Variants in NEURL1 observed in about 807,000 individuals in gnomAD.
NEURL1 encodes E3 ubiquitin-protein ligase NEURL1.
A neutral mutation model predicts 41.2 loss-of-function variants in NEURL1; 26 were observed. The ratio of observed to expected loss-of-function variants is 0.63; its 90% confidence interval spans 0.46 to 0.87. NEURL1 has a LOEUF of 0.87. NEURL1 is among the 40% of genes least tolerant of loss of function. The probability of loss-of-function intolerance (pLI) is 0.00; values close to 1 mark genes in which losing one functional copy is unlikely to be tolerated. For synonymous variants in NEURL1, 400 were observed against 402.3 expected, an observed-to-expected ratio of 0.99 and a Z score of 0.07; for missense variants, 761 against 871.1, an observed-to-expected ratio of 0.87 and a Z score of 1.59.
At chr10:103,524,561 T>C (rs900505500) in intron 1 of NEURL1, among the ~76,000 whole-genome samples, 1 of 152,200 alleles carries the variant, frequency 6.6e-6, no homozygotes, top group African/African-American at 2.4e-5. Context: ...TTTCTTCTAG[T>C]AGTTTTATGG....
chr10:103,565,435 T>C (rs908410893), intron 1 of NEURL1, among the ~76,000 whole-genome samples: 2 of 152,120 alleles, frequency 1.3e-5, no homozygotes, highest in African/African-American at 4.8e-5. Context: ...TCTCCATACC[T>C]GGGGCAGGGA....
intron 1 of NEURL1, among the ~76,000 whole-genome samples, chr10:103,521,407 C>T (rs757237116): frequency 1.1e-4 from 17 of 152,050 alleles, no homozygotes; most frequent in Non-Finnish European, 1.8e-4. Flanking sequence ...TTTCCTGACT[C>T]GAGACATGTG....
intron 1 of NEURL1, among the ~76,000 whole-genome samples, chr10:103,549,839 A>T (rs537458515): frequency 6.6e-6 from 1 of 152,304 alleles, no homozygotes; most frequent in South Asian, 2.1e-4. Context: ...CATATTAGGC[A>T]TAGCAGCAGA....
chr10:103,580,405 G>T (rs1459554597), intron 3 of NEURL1, among the ~76,000 whole-genome samples: 1 of 152,190 alleles, frequency 6.6e-6, no homozygotes, highest in Non-Finnish European at 1.5e-5. Context: ...CACTGCTTGG[G>T]GTGAGAGGTT....
rs754801374 is a variant in NEURL1, at chr10:103,590,240, G to T, written c.1593G>T (p.Thr531=). 12 of 1,613,726 alleles carry T rather than the reference G, an allele frequency of 7.4e-6. No individual in the cohort carries two copies. The part of the protein sequence containing the change: ...CTICYEHAVD[T]VIYTCGHMCL... ...TTTGCTATGAACACGCGGTGGACAC[G>T]GTCATCTACACATGTGGCCACATGT... is the stretch of plus-strand genomic sequence containing the variant. The change falls in exon 6 of 6, where the codon ACG becomes ACT. Residue 531 remains threonine, a synonymous_variant. Transcript: ENST00000369780.
intron 1 of NEURL1, among the ~76,000 whole-genome samples, chr10:103,537,530 A>T (rs1056115662): frequency 6.6e-6 from 1 of 152,002 alleles, no homozygotes; most frequent in Non-Finnish European, 1.5e-5. Flanking sequence ...AGTAGCTGGG[A>T]CCACAGGTGC....
intron 1 of NEURL1, among the ~76,000 whole-genome samples, chr10:103,547,927 TCTC>T (rs1036634622): frequency 5.3e-5 from 8 of 152,024 alleles, no homozygotes; most frequent in African/African-American, 1.9e-4. Flanking sequence ...ACACCCTGGG[TCTC>T]CTCATTTCTC....
intron 1 of NEURL1, among the ~76,000 whole-genome samples, chr10:103,506,632 T>C (rs1169700591): frequency 2.0e-5 from 3 of 151,812 alleles, no homozygotes; most frequent in Admixed American, 6.6e-5. Flanking sequence ...CAGTCTTGGC[T>C]CACTGCAGCC....
chr10:103,499,175 C>T (rs984171279), intron 1 of NEURL1, among the ~76,000 whole-genome samples: 3 of 152,142 alleles, frequency 2.0e-5, no homozygotes, highest in Non-Finnish European at 2.9e-5. Flanking sequence ...GTGACGCCAG[C>T]GAGACACCTG....
At chr10:103,551,041 C>T (rs1191287954) in intron 1 of NEURL1, 1 of 152,140 alleles carries the variant, frequency 6.6e-6, no homozygotes, top group Non-Finnish European at 1.5e-5. Context: ...TAGAATGGAA[C>T]ACAGATCATT....
Position 103,584,924 on chromosome 10 carries a change from T to C in NEURL1, c.1038T>C (p.Gly346=). ...ETIFVKVTRS[G]GARPGALSFG... is the part of the protein sequence containing the mutation. The stretch of plus-strand genomic sequence containing the variant: ...TCTTCGTCAAGGTCACGCGCTCGGG[T>C]GGCGCGCGGCCCGGCGCGCTGTCGT... The change falls in exon 4 of 6, where the codon GGT becomes GGC. Residue 346 remains glycine, a synonymous_variant. Coordinates refer to ENST00000369780, the MANE Select transcript of NEURL1 (RefSeq NM_004210.5). 1 of 1,452,182 alleles carries C rather than the reference T, an allele frequency of 6.9e-7. No individual in the cohort carries two copies. Among genetic ancestry groups the C allele is most frequent in the Non-Finnish European group, 9.0e-7 (1 of 1,106,914 alleles). The allele number at this position is 1,452,182 out of a possible 1,614,324, so 90.0% of individuals were successfully genotyped here.
At chr10:103,528,891 T>C (rs1351043689) in intron 1 of NEURL1, among the ~76,000 whole-genome samples, 1 of 152,216 alleles carries the variant, frequency 6.6e-6, no homozygotes, top group Non-Finnish European at 1.5e-5. Flanking sequence ...CCAAGCTGAT[T>C]TGGGGTTGCT....
Position 103,494,171 on chromosome 10 carries a change from G to C in NEURL1, c.-217G>C, listed in dbSNP as rs1007110175. ...CGGGGCATGGGAGGCAGGTAGCCCA[G>C]CCTGCGCCAGGACACCCGTGGCGGG... On this transcript the variant is annotated 5_prime_UTR_variant, in exon 1 of 6. Transcript: ENST00000369780. 2.9e-5 allele frequency: 14 copies of C among 482,842 alleles called. No homozygotes were observed. The African/African-American group carries it at 2.9e-4, about 10-fold the overall frequency. 29.9% of individuals were successfully genotyped at this position (482,842 alleles called of 1,614,324 possible). A position where few individuals can be genotyped will look rare whatever the true frequency, so the allele number is the denominator to read the frequency against.
chr10:103,505,387 C>A (rs1028292799), intron 1 of NEURL1, among the ~76,000 whole-genome samples: 3 of 152,102 alleles, frequency 2.0e-5, no homozygotes, highest in Non-Finnish European at 4.4e-5. Context: ...CCACACCTGG[C>A]TAATTTTTGT....
rs1180850077 is a variant in NEURL1, at chr10:103,558,711, CAG to C, written c.86-12160_86-12159del. Among the ~76,000 whole-genome samples, 4 of 152,176 alleles carry C rather than the reference CAG, an allele frequency of 2.6e-5. No individual in the cohort carries two copies. The highest frequency in any genetic ancestry group is 9.7e-5 in the African/African-American group (4 of 41,434). On this transcript the variant is annotated intron_variant, in intron 1 of 5. Coordinates refer to ENST00000369780, the MANE Select transcript of NEURL1 (RefSeq NM_004210.5). The surrounding 1 kb of genome is among the most constrained non-coding windows in gnomAD (Gnocchi z 4.2). ...GCTCCTGGTCTTGAGAGCAGGCTGA[CAG>C]GGGCGGGAAGGGTAGTGCGAAGAGG...
intron 1 of NEURL1, among the ~76,000 whole-genome samples, chr10:103,535,619 C>T (rs912175560): frequency 9.9e-5 from 15 of 152,278 alleles, no homozygotes; most frequent in Admixed American, 9.1e-4. Flanking sequence ...ACTCCTTCAA[C>T]TTAGGCACCA....
intron 1 of NEURL1, among the ~76,000 whole-genome samples, chr10:103,559,868 AC>A (rs2035245870): frequency 6.6e-6 from 1 of 152,132 alleles, no homozygotes; most frequent in East Asian, 1.9e-4. Flanking sequence ...ATGTACATGT[AC>A]ACATACGCAC....
intron 1 of NEURL1, chr10:103,555,245 G>T: frequency 1.1e-6 from 1 of 933,838 alleles, no homozygotes; most frequent in South Asian, 4.1e-5. Context: ...GGCGCGGGAG[G>T]GGCCTCGGCC....
rs1264085665 is a variant in NEURL1, at chr10:103,591,721, C to T, written c.*1349C>T. 3 of 152,240 alleles carry T rather than the reference C, an allele frequency of 2.0e-5. No homozygotes were observed. Among genetic ancestry groups the T allele is most frequent in the Non-Finnish European group, 4.4e-5 (3 of 68,044 alleles). The allele number at this position is 152,240 out of a possible 1,614,324, so 9.4% of individuals were successfully genotyped here. On this transcript the variant is annotated 3_prime_UTR_variant, in exon 6 of 6. Coordinates refer to ENST00000369780, the MANE Select transcript of NEURL1 (RefSeq NM_004210.5). ...CACCCAGAGCCATAGAGCACCCTTC[C>T]TCCTGGGCCAGAGCTGGGTTATCAT...
Sources: allele counts gnomAD v4.1 joint callset (sites outside exome capture counted in the v4.1 genomes callset), GRCh38; gene constraint gnomAD v4.1.1; non-coding constraint Gnocchi (gnomAD v3.1); transcripts MANE v1.5; gene names NCBI Gene and HGNC (gene_info 2026-07-23, HGNC 2026-07-21).